The following DNAJA2 variants were observed in gnomAD, a reference collection of about 807,000 sequenced individuals.
DNAJA2 encodes the protein dnaJ homolog subfamily A member 2.
In DNAJA2, 6 loss-of-function variants were observed where a neutral mutation model predicts 49.3. That is an observed-to-expected ratio of 0.12 (90% CI 0.07 to 0.24). The LOEUF is 0.24. Among genes scored for constraint, DNAJA2 ranks in the 10% least tolerant of loss-of-function variants. The probability of loss-of-function intolerance (pLI) is 1.00; values close to 1 mark genes in which losing one functional copy is unlikely to be tolerated. For missense variants in DNAJA2, 347 were observed against 516.8 expected (o/e 0.67, Z 3.19); for synonymous variants, 160 against 172.7 (o/e 0.93, Z 0.58).
chr16:46,971,035 CAA>C (rs540358713), intron 3 of DNAJA2, among the ~76,000 whole-genome samples: 17 of 121,688 alleles, frequency 1.4e-4, no homozygotes, highest in Non-Finnish European at 1.2e-4. Flanking sequence ...AACTCGGTCT[CAA>C]AAAAAAAAAA....
At chr16:46,969,825 A>G (rs1567354904) in intron 3 of DNAJA2, among the ~76,000 whole-genome samples, 1 of 152,246 alleles carries the variant, frequency 6.6e-6, no homozygotes, top group African/African-American at 2.4e-5. Context: ...CTTTCACTAT[A>G]TAGCATAACT....
chr16:46,959,971 G>A (rs1323437688), intron 6 of DNAJA2, among the ~76,000 whole-genome samples: 3 of 152,228 alleles, frequency 2.0e-5, no homozygotes, highest in African/African-American at 4.8e-5. Context: ...TACACTATAA[G>A]CCTATGGACT....
At chr16:46,958,743 C>CA (rs774427134) in intron 8 of DNAJA2, 52 of 337,000 alleles carry the variant, frequency 1.5e-4, no homozygotes, top group Non-Finnish European at 2.6e-4. Context: ...TACACCACTG[C>CA]ACTCCAGCTT....
chr16:46,973,400 C>G, intron 1 of DNAJA2, 95 bp downstream of exon 1: 1 of 1,151,952 alleles, frequency 8.7e-7, no homozygotes. Context: ...GGCGCCGGCT[C>G]GCGGGCAGCC....
At chr16:46,973,054 C>A (rs1962079530) in intron 1 of DNAJA2, 1 of 152,138 alleles carries the variant, frequency 6.6e-6, no homozygotes, top group South Asian at 2.1e-4. Flanking sequence ...CCGCGGAGCA[C>A]CAGACCCGGG....
chr16:46,961,140 T>C (rs1961890230), intron 6 of DNAJA2, among the ~76,000 whole-genome samples: 1 of 152,228 alleles, frequency 6.6e-6, no homozygotes, highest in Non-Finnish European at 1.5e-5. Flanking sequence ...CTCATGCCTA[T>C]AATCCCAGCA....
chr16:46,964,315 T>G (rs892817556), intron 6 of DNAJA2, among the ~76,000 whole-genome samples: 7 of 152,104 alleles, frequency 4.6e-5, no homozygotes, highest in Admixed American at 1.3e-4. Flanking sequence ...GAGGTTGTAG[T>G]GAGCCGAGAT....
At position 46,968,871 on chromosome 16, in the gene DNAJA2, C is replaced by A. The variant is rs1472669020; in HGVS notation, c.363-707G>T. On this transcript the variant is annotated intron_variant, in intron 3 of 8. Coordinates refer to ENST00000317089, the MANE Select transcript of DNAJA2 (RefSeq NM_005880.4). ...GACCAGCCTGAGCAACTTAGAGAGA[C>A]CTCATCTTTACCAAAAAATAAAAAA... 3.9e-5 allele frequency among the ~76,000 whole-genome samples: 6 copies of A among 152,108 alleles called. No individual in the cohort carries two copies. In the South Asian group the frequency reaches 6.2e-4, roughly 16 times the overall value.
intron 5 of DNAJA2, among the ~76,000 whole-genome samples, chr16:46,965,732 G>A (rs1408792737): frequency 2.0e-5 from 3 of 151,234 alleles, no homozygotes; most frequent in African/African-American, 2.4e-5. Context: ...TCAGGAGGCC[G>A]AGGCAGCAGA....
intron 4 of DNAJA2, 146 bp from the exon 5 acceptor site, chr16:46,967,792 TG>T (rs1961993580): frequency 8.2e-7 from 1 of 1,218,298 alleles, no homozygotes; most frequent in African/African-American, 1.5e-5. Flanking sequence ...GAAAACATTC[TG>T]CTAAGATTTT....
rs1596659323 is a variant in DNAJA2, at chr16:46,971,227, A to C, written c.362+122T>G. 4 of 735,086 alleles carry C rather than the reference A, an allele frequency of 5.4e-6. No individual in the cohort carries two copies. In the East Asian group the frequency reaches 1.2e-4, roughly 21 times the overall value. The allele number at this position is 735,086 out of a possible 1,614,324, so 45.5% of individuals were successfully genotyped here. Reference sequence around the variant, plus strand: ...TCAATTTAGTCACCAAAAGAAGACAAGGCAAATGGAAGTTTTTCTAATGAA... The same window carrying C: ...TCAATTTAGTCACCAAAAGAAGACACGGCAAATGGAAGTTTTTCTAATGAA... On this transcript the variant is annotated intron_variant, in intron 3 of 8. Coordinates refer to ENST00000317089, the MANE Select transcript of DNAJA2 (RefSeq NM_005880.4).
chr16:46,966,272 C>T (rs1353685474), intron 5 of DNAJA2, among the ~76,000 whole-genome samples: 1 of 152,186 alleles, frequency 6.6e-6, no homozygotes, highest in Non-Finnish European at 1.5e-5. Context: ...AATGCCAAGA[C>T]TCTCCAGGAA....
chr16:46,962,587 T>C (rs1213787396), intron 6 of DNAJA2, among the ~76,000 whole-genome samples: 1 of 152,208 alleles, frequency 6.6e-6, no homozygotes, highest in South Asian at 2.1e-4. Flanking sequence ...GCTAGCTTTC[T>C]CCCTCATATT....
chr16:46,971,714 A>G, intron 2 of DNAJA2, 142 bp from the exon 3 acceptor site: 1 of 818,728 alleles, frequency 1.2e-6, no homozygotes, highest in Non-Finnish European at 1.9e-6. Flanking sequence ...GGTTCTATTT[A>G]CCACCCACCG....
intron 3 of DNAJA2, among the ~76,000 whole-genome samples, chr16:46,968,776 G>A (rs925666910): frequency 6.6e-6 from 1 of 152,248 alleles, no homozygotes; most frequent in African/African-American, 2.4e-5. Context: ...GCCAGGTGCA[G>A]TGGCTCATGC....
intron 5 of DNAJA2, among the ~76,000 whole-genome samples, chr16:46,965,142 C>T (rs1961950959): frequency 6.6e-6 from 1 of 151,988 alleles, no homozygotes; most frequent in African/African-American, 2.4e-5. Context: ...TGCTGGAGTT[C>T]GAGGCTGCAG....
At chr16:46,966,588 A>G (rs1961974413) in intron 5 of DNAJA2, among the ~76,000 whole-genome samples, 1 of 152,168 alleles carries the variant, frequency 6.6e-6, no homozygotes, top group African/African-American at 2.4e-5. Flanking sequence ...GGGAGGAGCT[A>G]TGTGTTTTTA....
At chr16:46,958,938 TA>T (rs927868662) in intron 8 of DNAJA2, 64 bp downstream of exon 8, 152 of 1,537,082 alleles carry the variant, frequency 9.9e-5, no homozygotes, top group Non-Finnish European at 1.3e-4. Flanking sequence ...AGACCCTGTC[TA>T]AAAAACCAAA....
At chr16:46,965,795 C>T (rs1961960699) in intron 5 of DNAJA2, among the ~76,000 whole-genome samples, 1 of 147,046 alleles carries the variant, frequency 6.8e-6, no homozygotes, top group Admixed American at 6.9e-5. Context: ...CACGCAACTG[C>T]ACTCTAGCCT....
Sources: allele counts gnomAD v4.1 joint callset (sites outside exome capture counted in the v4.1 genomes callset), GRCh38; gene constraint gnomAD v4.1.1; transcripts MANE v1.5; gene names NCBI Gene and HGNC (gene_info 2026-07-23, HGNC 2026-07-21).